Variants in GRIA4 observed in about 807,000 individuals in gnomAD.
GRIA4 encodes glutamate ionotropic receptor AMPA type subunit 4, also known as glutamate receptor 4.
A neutral mutation model predicts 104.0 loss-of-function variants in GRIA4; 34 were observed. That is an observed-to-expected ratio of 0.33 (90% CI 0.25 to 0.44). The LOEUF is 0.44. Ranked by LOEUF, GRIA4 falls within the 20% of genes least tolerant of loss-of-function variation. GRIA4 has a pLI of 1.00. For synonymous variants in GRIA4, 386 were observed against 381.9 expected (o/e 1.01, Z -0.13); for missense variants, 750 against 1,096.5 (o/e 0.68, Z 4.46).
At chr11:105,653,176 C>G (rs4755106) in intron 3 of GRIA4, among the ~76,000 whole-genome samples, 79,493 of 152,098 alleles carry the variant, frequency 0.52, 21,005 homozygotes, top group Admixed American at 0.61. Context: ...CTCCCAAAGT[C>G]CTGGGATTAC....
chr11:105,781,745 C>T (rs1402809012), intron 4 of GRIA4, among the ~76,000 whole-genome samples: 3 of 152,094 alleles, frequency 2.0e-5, no homozygotes, highest in South Asian at 4.1e-4. Flanking sequence ...AGTGCAATGT[C>T]TGCTTACTTT....
At chr11:105,824,866 A>T (rs1283079866) in intron 4 of GRIA4, 1 of 152,064 alleles carries the variant, frequency 6.6e-6, no homozygotes, top group East Asian at 1.9e-4. Flanking sequence ...AAGATGGCAG[A>T]TGTGTTGCCA....
chr11:105,916,929 C>T (rs186919925), intron 10 of GRIA4, among the ~76,000 whole-genome samples: 44 of 151,864 alleles, frequency 2.9e-4, no homozygotes, highest in African/African-American at 8.7e-4. Flanking sequence ...TTTCTAAGGA[C>T]GCTTCCATAT....
chr11:105,661,580 T>C (rs750220653), intron 3 of GRIA4, among the ~76,000 whole-genome samples: 1 of 151,756 alleles, frequency 6.6e-6, no homozygotes, highest in Non-Finnish European at 1.5e-5. Context: ...TAAGAAAATG[T>C]TCATACCTTT....
intron 3 of GRIA4, among the ~76,000 whole-genome samples, chr11:105,622,407 T>G (rs915775192): frequency 6.6e-6 from 1 of 151,916 alleles, no homozygotes; most frequent in Non-Finnish European, 1.5e-5. Flanking sequence ...TGCTTTGAAC[T>G]GCTACATTTG....
At chr11:105,932,549 C>T (rs906181871) in intron 13 of GRIA4, among the ~76,000 whole-genome samples, 12 of 152,138 alleles carry the variant, frequency 7.9e-5, no homozygotes, top group South Asian at 4.1e-4. Context: ...ATGCAGATAA[C>T]AAGAAAAAGG....
At chr11:105,747,625 G>C (rs1204784173) in intron 3 of GRIA4, among the ~76,000 whole-genome samples, 1 of 152,066 alleles carries the variant, frequency 6.6e-6, no homozygotes, top group Admixed American at 6.6e-5. Flanking sequence ...ATAGAATATA[G>C]AAAATTAAGA....
intron 3 of GRIA4, among the ~76,000 whole-genome samples, chr11:105,716,184 G>A (rs1002262463): frequency 2.0e-5 from 3 of 152,072 alleles, no homozygotes; most frequent in African/African-American, 7.2e-5. Context: ...AACACATACA[G>A]AGGTTTTGGA....
intron 4 of GRIA4, among the ~76,000 whole-genome samples, chr11:105,807,052 A>T (rs1236679486): frequency 5.3e-5 from 8 of 151,750 alleles, no homozygotes; most frequent in Admixed American, 5.3e-4. Flanking sequence ...AAAACTAAAA[A>T]TTTCATAGAC....
intron 6 of GRIA4, among the ~76,000 whole-genome samples, chr11:105,893,806 A>G (rs1005516581): frequency 1.3e-5 from 2 of 152,208 alleles, no homozygotes; most frequent in African/African-American, 4.8e-5. Flanking sequence ...CTTTTAGAAA[A>G]CATTGGAATC....
At chr11:105,846,474 T>C (rs1028473592) in intron 4 of GRIA4, among the ~76,000 whole-genome samples, 1 of 152,094 alleles carries the variant, frequency 6.6e-6, no homozygotes, top group African/African-American at 2.4e-5. Context: ...GTAATGAACA[T>C]ATATGTAATT....
At chr11:105,809,745 T>C (rs1236055064) in intron 4 of GRIA4, among the ~76,000 whole-genome samples, 2 of 152,120 alleles carry the variant, frequency 1.3e-5, no homozygotes, top group African/African-American at 4.8e-5. Context: ...TGTGAGTCAA[T>C]TAAACCTCTT....
At chr11:105,782,937 T>C (rs1173768840) in intron 4 of GRIA4, among the ~76,000 whole-genome samples, 1 of 152,132 alleles carries the variant, frequency 6.6e-6, no homozygotes, top group Non-Finnish European at 1.5e-5. Flanking sequence ...AAATATAAAA[T>C]ACATACGTAC....
At chr11:105,687,681 G>A (rs941095052) in intron 3 of GRIA4, among the ~76,000 whole-genome samples, 3 of 152,176 alleles carry the variant, frequency 2.0e-5, no homozygotes, top group Non-Finnish European at 4.4e-5. Context: ...TTATGACGAT[G>A]GGTCAGGCAT....
intron 4 of GRIA4, among the ~76,000 whole-genome samples, chr11:105,849,614 T>C (rs542057192): frequency 1.3e-5 from 2 of 152,278 alleles, no homozygotes; most frequent in African/African-American, 4.8e-5. Context: ...AGGTGATGGA[T>C]CAAATGAGGC....
chr11:105,904,956 T>C (rs1308531979), intron 8 of GRIA4, among the ~76,000 whole-genome samples: 1 of 152,204 alleles, frequency 6.6e-6, no homozygotes. Flanking sequence ...GGAAACTTTA[T>C]AATAGTAAAA....
At chr11:105,630,662 T>C (rs1339002983) in intron 3 of GRIA4, among the ~76,000 whole-genome samples, 1 of 152,116 alleles carries the variant, frequency 6.6e-6, no homozygotes, top group East Asian at 1.9e-4. Context: ...AAATCAATTT[T>C]TGAGTACCCA....
chr11:105,882,323 T>C (rs1946096914), intron 5 of GRIA4, among the ~76,000 whole-genome samples: 1 of 152,168 alleles, frequency 6.6e-6, no homozygotes, highest in Admixed American at 6.6e-5. Context: ...ATGTCTTTAG[T>C]TTGGAAGACC....
intron 3 of GRIA4, chr11:105,706,284 T>C (rs1225585513): frequency 6.6e-6 from 1 of 152,418 alleles, no homozygotes; most frequent in Non-Finnish European, 1.5e-5. Flanking sequence ...CATGTCTTGC[T>C]GCTGCTTTGC....
Sources: gnomAD v4.1 joint callset for allele counts (sites outside exome capture counted in the v4.1 genomes callset) on GRCh38, gnomAD v4.1.1 for gene constraint, MANE v1.5 for transcripts, NCBI Gene and HGNC (gene_info 2026-07-23, HGNC 2026-07-21) for gene names.